The following KCNB2 variants were observed in gnomAD, a reference collection of about 807,000 sequenced individuals.
KCNB2 encodes potassium voltage-gated channel subfamily B member 2.
A neutral mutation model predicts 61.5 loss-of-function variants in KCNB2; 15 were observed. That is an observed-to-expected ratio of 0.24 (90% CI 0.16 to 0.38). The LOEUF is 0.38. Among genes scored for constraint, KCNB2 ranks in the 10% least tolerant of loss-of-function variants. The pLI is 1.00. For missense variants in KCNB2, 828 were observed against 1,125.2 expected (o/e 0.74, Z 3.78); for synonymous variants, 457 against 446.0 (o/e 1.02, Z -0.31).
At chr8:72,892,804 C>T (rs1417797974) in intron 2 of KCNB2, among the ~76,000 whole-genome samples, 1 of 152,026 alleles carries the variant, frequency 6.6e-6, no homozygotes, top group Non-Finnish European at 1.5e-5. Context: ...GGAAAATTTT[C>T]CACCATCCTA....
At chr8:72,659,033 G>A (rs574450822) in intron 2 of KCNB2, among the ~76,000 whole-genome samples, 2 of 152,232 alleles carry the variant, frequency 1.3e-5, no homozygotes, top group South Asian at 4.1e-4. Flanking sequence ...GAGTAATTTT[G>A]ACTTCCAAGT....
At chr8:72,542,327 T>C (rs1269602506) in intron 1 of KCNB2, among the ~76,000 whole-genome samples, 1 of 152,132 alleles carries the variant, frequency 6.6e-6, no homozygotes, top group East Asian at 1.9e-4. Context: ...TCAATCACAT[T>C]GTATAGCCAA....
intron 2 of KCNB2, among the ~76,000 whole-genome samples, chr8:72,733,758 G>T (rs1807790475): frequency 6.6e-6 from 1 of 152,092 alleles, no homozygotes; most frequent in Non-Finnish European, 1.5e-5. Flanking sequence ...GTTTCTGATT[G>T]TAGCCCCTGA....
At chr8:72,830,414 T>A (rs1809675136) in intron 2 of KCNB2, among the ~76,000 whole-genome samples, 1 of 152,136 alleles carries the variant, frequency 6.6e-6, no homozygotes, top group African/African-American at 2.4e-5. Context: ...AAACCCATCC[T>A]AGTGCTAATT....
At chr8:72,768,580 G>A (rs1246222487) in intron 2 of KCNB2, among the ~76,000 whole-genome samples, 1 of 151,430 alleles carries the variant, frequency 6.6e-6, no homozygotes, top group African/African-American at 2.4e-5. Flanking sequence ...TCCTTTTTTT[G>A]TTGTTGTTGC....
At chr8:72,901,009 T>C (rs997156227) in intron 2 of KCNB2, among the ~76,000 whole-genome samples, 2 of 152,100 alleles carry the variant, frequency 1.3e-5, no homozygotes, top group Admixed American at 6.6e-5. Context: ...CCCAAATAAA[T>C]CATTCTACCA....
At chr8:72,832,498 A>G (rs1229504800) in intron 2 of KCNB2, among the ~76,000 whole-genome samples, 1 of 152,214 alleles carries the variant, frequency 6.6e-6, no homozygotes, top group Non-Finnish European at 1.5e-5. Context: ...GAAGTTGCAC[A>G]GTGGATGCCA....
intron 2 of KCNB2, among the ~76,000 whole-genome samples, chr8:72,605,216 G>A (rs890979391): frequency 1.3e-5 from 2 of 152,202 alleles, no homozygotes; most frequent in African/African-American, 4.8e-5. Context: ...CACTACAGCT[G>A]TGCTCATTAC....
At chr8:72,569,633 TA>T (rs11463448) in intron 2 of KCNB2, among the ~76,000 whole-genome samples, 99 of 150,214 alleles carry the variant, frequency 6.6e-4, no homozygotes, top group Non-Finnish European at 1.2e-3. Context: ...ATTTTACTTG[TA>T]AAAAAAAAAT....
intron 2 of KCNB2, among the ~76,000 whole-genome samples, chr8:72,644,745 T>G (rs565739805): frequency 3.2e-4 from 48 of 152,352 alleles, no homozygotes; most frequent in African/African-American, 1.1e-3. Context: ...CTGTGCCAGG[T>G]AGTTACTGAA....
intron 2 of KCNB2, among the ~76,000 whole-genome samples, chr8:72,602,278 A>C (rs1805365344): frequency 6.6e-6 from 1 of 152,166 alleles, no homozygotes; most frequent in South Asian, 2.1e-4. Flanking sequence ...TACCAGCCTA[A>C]ATTTGGGGAG....
intron 2 of KCNB2, among the ~76,000 whole-genome samples, chr8:72,897,714 G>A (rs779931979): frequency 4.6e-5 from 7 of 152,126 alleles, no homozygotes; most frequent in Non-Finnish European, 8.8e-5. Flanking sequence ...CCGCATTTGG[G>A]CTGTTTTGAT....
At chr8:72,909,817 G>A (rs944010192) in intron 2 of KCNB2, among the ~76,000 whole-genome samples, 4 of 152,152 alleles carry the variant, frequency 2.6e-5, no homozygotes, top group East Asian at 1.9e-4. Flanking sequence ...GCATCACTAC[G>A]GGATGGTGGG....
rs112398621 is a variant in KCNB2 at position 72,692,032 on chromosome 8, C to T, written c.579+123719C>T. On this transcript the variant is annotated intron_variant, in intron 2 of 2. Transcript: ENST00000523207. ...CAGGCAGATCACGAAGTCAGGAGAT[C>T]GAGACCATCCTGGCTAACACAGTGA... Among the ~76,000 whole-genome samples, 247 of 152,002 alleles carry T rather than the reference C, an allele frequency of 1.6e-3. 2 individuals carry two copies. Among genetic ancestry groups the T allele is most frequent in the African/African-American group, 5.6e-3 (234 of 41,454 alleles).
At chr8:72,729,697 A>G (rs958793703) in intron 2 of KCNB2, among the ~76,000 whole-genome samples, 1 of 152,170 alleles carries the variant, frequency 6.6e-6, no homozygotes, top group Non-Finnish European at 1.5e-5. Context: ...CAGCCTGACC[A>G]ACATGGAGAA....
chr8:72,936,158 T>C lies in KCNB2; in HGVS notation c.803T>C (p.Val268Ala). Residue 268 changes from valine (V) to alanine (A), a missense_variant, in exon 3 of 3, where the codon GTC becomes GCC. Physicochemically the swap from Val to Ala is moderately conservative, Grantham distance 64 (BLOSUM62 0). Around this residue, in one of 4 missense-constraint regions of KCNB2, gnomAD observed 163 missense variants for 314.4 expected, o/e 0.52. Transcript: ENST00000523207. This position sits in a 1 kb window ranked among gnomAD's most constrained non-coding sequence, Gnocchi z 5.6. Reference sequence around the variant, plus strand: ...AAGTTCTTCAAAGGCCCACTGAATGTCATTGATTTGCTGGCCATCTTGCCG... The same window carrying C: ...AAGTTCTTCAAAGGCCCACTGAATGCCATTGATTTGCTGGCCATCTTGCCG... Reference protein sequence around the residue: ...KWKFFKGPLNVIDLLAILPYY... With the variant: ...KWKFFKGPLNAIDLLAILPYY... 1 of 1,614,234 alleles carries C rather than the reference T, an allele frequency of 6.2e-7. No individual in the cohort carries two copies. The highest frequency in any genetic ancestry group is 1.1e-5 in the South Asian group (1 of 91,088).
At chr8:72,583,070 A>G (rs1806932944) in intron 2 of KCNB2, among the ~76,000 whole-genome samples, 1 of 152,168 alleles carries the variant, frequency 6.6e-6, no homozygotes, top group East Asian at 1.9e-4. Flanking sequence ...GGAAACTCCT[A>G]AGTTCAGGAT....
rs77326443 is a variant in KCNB2 at position 72,601,593 on chromosome 8, C to T, written c.579+33280C>T. On this transcript the variant is annotated intron_variant, in intron 2 of 2. Transcript: ENST00000523207. ...TGAAGTTTAAATCTTGCATTAACTG[C>T]TGGATGGTGGGACTCATTACAACTT... Among the ~76,000 whole-genome samples, 1,475 of 152,268 alleles carry T rather than the reference C, an allele frequency of 9.7e-3. 24 individuals are homozygous for T. The highest frequency in any genetic ancestry group is 0.032 in the African/African-American group (1,337 of 41,546).
intron 2 of KCNB2, among the ~76,000 whole-genome samples, chr8:72,868,950 A>G (rs545816011): frequency 6.6e-6 from 1 of 152,238 alleles, no homozygotes; most frequent in Admixed American, 6.5e-5. Context: ...TTTTTCCACC[A>G]AAGTCCTCAT....
Sources: allele counts gnomAD v4.1 joint callset (sites outside exome capture counted in the v4.1 genomes callset), GRCh38; gene constraint gnomAD v4.1.1; regional missense constraint gnomAD v4.1.1; non-coding constraint Gnocchi (gnomAD v3.1); transcripts MANE v1.5; gene names NCBI Gene and HGNC (gene_info 2026-07-23, HGNC 2026-07-21).